SAMD12: variants seen among roughly 807,000 people sequenced by gnomAD.
The protein encoded by SAMD12 is sterile alpha motif domain-containing protein 12.
A neutral mutation model predicts 15.0 loss-of-function variants in SAMD12; 9 were observed. The ratio of observed to expected loss-of-function variants is 0.60; its 90% CI spans 0.36 to 1.05. The LOEUF is 1.05. SAMD12 is among the 50% of genes least tolerant of loss of function. SAMD12 has a pLI of 0.01. For synonymous variants in SAMD12, 86 were observed against 90.1 expected (o/e 0.96, Z 0.25); for missense variants, 230 against 234.2 (o/e 0.98, Z 0.12).
intron 4 of SAMD12, among the ~76,000 whole-genome samples, chr8:118,209,659 C>T (rs1486476246): frequency 6.6e-6 from 1 of 152,198 alleles, no homozygotes; most frequent in Non-Finnish European, 1.5e-5. Context: ...AATTATGAAG[C>T]TGAAGGTTTA....
chr8:118,503,446 G>A (rs778507500), intron 2 of SAMD12, among the ~76,000 whole-genome samples: 1 of 152,100 alleles, frequency 6.6e-6, no homozygotes, highest in Non-Finnish European at 1.5e-5. Flanking sequence ...CAGTGCTCAG[G>A]GATCCCTTTT....
the SAMD12 span, among the ~76,000 whole-genome samples, chr8:118,140,283 T>TA: frequency 2.6e-5 from 4 of 152,230 alleles, 1 homozygote; most frequent in South Asian, 6.2e-4. Flanking sequence ...CTTTTATTTT[T>TA]TTTTTTGAGA....
intron 2 of SAMD12, among the ~76,000 whole-genome samples, chr8:118,548,533 C>T (rs1826205396): frequency 6.6e-6 from 1 of 151,962 alleles, no homozygotes; most frequent in African/African-American, 2.4e-5. Context: ...ACATCTACAA[C>T]TGGAGGGGAG....
At chr8:118,335,181 TAGG>T (rs1356271679) in intron 4 of SAMD12, among the ~76,000 whole-genome samples, 1 of 152,126 alleles carries the variant, frequency 6.6e-6, no homozygotes, top group Non-Finnish European at 1.5e-5. Flanking sequence ...CTGCATCTCT[TAGG>T]AGTACACATG....
At chr8:118,548,384 TACACACACACACACAC>T (rs36228827) in intron 2 of SAMD12, among the ~76,000 whole-genome samples, 3 of 139,910 alleles carry the variant, frequency 2.1e-5, no homozygotes, top group East Asian at 2.1e-4. Context: ...AAAACACACA[TACACACACACACACAC>T]ACACACACAC....
intron 4 of SAMD12, among the ~76,000 whole-genome samples, chr8:118,360,871 A>G (rs374485842): frequency 2.0e-5 from 3 of 152,228 alleles, no homozygotes; most frequent in East Asian, 1.9e-4. Flanking sequence ...AACAGAGCAG[A>G]AAGCTTAAAA....
chr8:118,529,666 T>G (rs534985480), intron 2 of SAMD12, among the ~76,000 whole-genome samples: 1 of 152,332 alleles, frequency 6.6e-6, no homozygotes, highest in East Asian at 1.9e-4. Context: ...TGTTTCTCAG[T>G]TATGTCACTT....
the SAMD12 span, among the ~76,000 whole-genome samples, chr8:118,145,850 T>C: frequency 1.3e-5 from 2 of 152,130 alleles, no homozygotes. Flanking sequence ...ACTCGGTCAT[T>C]GTCTGGGGCT....
intron 1 of SAMD12, among the ~76,000 whole-genome samples, chr8:118,603,063 G>C (rs2131301753): frequency 6.6e-6 from 1 of 151,716 alleles, no homozygotes; most frequent in East Asian, 1.9e-4. Context: ...AAATGCCAGA[G>C]AAACATGAAA....
intron 2 of SAMD12, among the ~76,000 whole-genome samples, chr8:118,529,494 A>G (rs1422454606): frequency 6.6e-6 from 1 of 152,224 alleles, no homozygotes; most frequent in African/African-American, 2.4e-5. Flanking sequence ...ACCATCACCC[A>G]AATAGTGTAC....
At chr8:118,401,576 A>G (rs1445479189) in intron 3 of SAMD12, among the ~76,000 whole-genome samples, 2 of 143,768 alleles carry the variant, frequency 1.4e-5, no homozygotes, top group Non-Finnish European at 3.0e-5. Context: ...GGGTCTCACT[A>G]TGTTTCCCTG....
At chr8:118,233,661 T>G (rs998244558) in intron 4 of SAMD12, among the ~76,000 whole-genome samples, 2 of 152,202 alleles carry the variant, frequency 1.3e-5, no homozygotes, top group Non-Finnish European at 2.9e-5. Flanking sequence ...CCTTGCCTTC[T>G]CTTCCTTTCC....
rs558976443 is a variant in SAMD12, at chr8:118,551,852, C to G, written c.192+28863G>C. 3.9e-5 allele frequency among the ~76,000 whole-genome samples: 6 copies of G among 151,900 alleles called. No individual in the cohort carries two copies. In the East Asian group the frequency reaches 7.7e-4, roughly 20 times the overall value. Reference sequence around the variant, plus strand: ...AAAAATGATAAAGGGGATATCACCACCGATCCCACAGAAATACAAACTACC... The same window carrying G: ...AAAAATGATAAAGGGGATATCACCAGCGATCCCACAGAAATACAAACTACC... On this transcript the variant is annotated intron_variant, in intron 2 of 3. Transcript: ENST00000314727.
chr8:118,548,700 T>C (rs1464871078), intron 2 of SAMD12, among the ~76,000 whole-genome samples: 8 of 152,196 alleles, frequency 5.3e-5, no homozygotes, highest in Non-Finnish European at 1.2e-4. Flanking sequence ...CAGCGCACCG[T>C]GCGCGAGCCG....
the SAMD12 span, among the ~76,000 whole-genome samples, chr8:118,132,563 A>G: frequency 6.6e-6 from 1 of 152,178 alleles, no homozygotes; most frequent in Admixed American, 6.5e-5. Flanking sequence ...AGAATCTGGA[A>G]AATGTGACAA....
the SAMD12 span, among the ~76,000 whole-genome samples, chr8:118,151,672 C>T: frequency 2.0e-5 from 3 of 150,886 alleles, no homozygotes; most frequent in Non-Finnish European, 3.0e-5. Flanking sequence ...ACTAAAAATA[C>T]AAAAAAAATT....
chr8:118,155,323 G>A, the SAMD12 span, among the ~76,000 whole-genome samples: 1 of 152,166 alleles, frequency 6.6e-6, no homozygotes, highest in Non-Finnish European at 1.5e-5. Context: ...ACACAGACCA[G>A]ATACATCATT....
intron 4 of SAMD12, among the ~76,000 whole-genome samples, chr8:118,370,430 C>T (rs567616794): frequency 6.6e-6 from 1 of 152,282 alleles, no homozygotes; most frequent in East Asian, 1.9e-4. Context: ...AATCCCATTA[C>T]TGGGTATATA....
intron 4 of SAMD12, among the ~76,000 whole-genome samples, chr8:118,218,140 G>A (rs1812005770): frequency 6.6e-6 from 1 of 152,164 alleles, no homozygotes; most frequent in South Asian, 2.1e-4. Context: ...AAATTGCTAT[G>A]AGGGCTTAAA....
Sources: allele counts gnomAD v4.1 joint callset (sites outside exome capture counted in the v4.1 genomes callset), GRCh38; gene constraint gnomAD v4.1.1; transcripts MANE v1.5; gene names NCBI Gene and HGNC (gene_info 2026-07-23, HGNC 2026-07-21).